Variants in PCLO observed in about 807,000 individuals in gnomAD.
PCLO encodes the protein protein piccolo.
In PCLO, 82 loss-of-function variants were observed where a neutral mutation model predicts 427.5. That is an observed-to-expected ratio of 0.19 (90% CI 0.16 to 0.23). The LOEUF (loss-of-function observed/expected upper bound fraction) is 0.23. Among genes scored for constraint, PCLO ranks in the 10% least tolerant of loss-of-function variants. The pLI is 1.00. For synonymous variants in PCLO, 2,357 were observed against 2,155.4 expected, an observed-to-expected ratio of 1.09 and a Z score of -2.59; for missense variants, 6,239 against 6,115.9, an observed-to-expected ratio of 1.02 and a Z score of -0.67.
intron 15 of PCLO, 142 bp from the exon 16 acceptor site, chr7:82,835,835 G>A (rs1792219614): frequency 4.5e-6 from 3 of 663,476 alleles, no homozygotes; most frequent in African/African-American, 1.8e-5. Flanking sequence ...AATGACATGA[G>A]GCAGAAAATG....
chr7:83,016,009 C>T (rs1254320144), intron 3 of PCLO, among the ~76,000 whole-genome samples: 1 of 151,948 alleles, frequency 6.6e-6, no homozygotes, highest in Non-Finnish European at 1.5e-5. Flanking sequence ...AAATTGGCAG[C>T]ACTCAAGCAC....
At position 82,915,690 on chromosome 7, in the gene PCLO, T is replaced by C. The variant is rs765182217; in HGVS notation, c.12296A>G (p.Gln4099Arg). 2 of 1,612,946 alleles carry C rather than the reference T, an allele frequency of 1.2e-6. No individual in the cohort carries two copies. The highest frequency in any genetic ancestry group is 1.7e-6 in the Non-Finnish European group (2 of 1,179,440). The change falls in exon 7 of 25, where the codon CAG becomes CGG. Residue 4099 changes from glutamine (Q) to arginine (R), a missense_variant. Transcript: ENST00000333891. ...QEVTDFLAPLQSSSRLHSYVK... is the reference protein window; with the variant it reads ...QEVTDFLAPLRSSSRLHSYVK... ...ATAACTATGCAATCTAGAGGAAGAC[T>C]GTAAAGGTGCTAGGAAATCTGTCAC...
chr7:82,963,213 T>C (rs28503526), intron 4 of PCLO, among the ~76,000 whole-genome samples: 7,500 of 152,144 alleles, frequency 0.049, 617 homozygotes, highest in African/African-American at 0.17. Context: ...CAAAATAATG[T>C]CACTTTGAAA....
chr7:82,835,270 G>C (rs1792204157), intron 16 of PCLO, among the ~76,000 whole-genome samples: 1 of 152,064 alleles, frequency 6.6e-6, no homozygotes, highest in Non-Finnish European at 1.5e-5. Context: ...TGGACATCCA[G>C]AAGACCCATT....
chr7:82,996,107 A>G (rs1473096993), intron 3 of PCLO, among the ~76,000 whole-genome samples: 2 of 151,830 alleles, frequency 1.3e-5, no homozygotes, highest in African/African-American at 4.8e-5. Flanking sequence ...ATTGTGTAAA[A>G]TATTTTAAGA....
chr7:83,006,413 T>C (rs41582), intron 3 of PCLO, among the ~76,000 whole-genome samples: 34,868 of 151,396 alleles, frequency 0.23, 5,146 homozygotes, highest in Middle Eastern at 0.4. Flanking sequence ...TGAACAATAA[T>C]TTATTTTTAT....
At chr7:83,014,909 T>G (rs1460012767) in intron 3 of PCLO, among the ~76,000 whole-genome samples, 1 of 152,160 alleles carries the variant, frequency 6.6e-6, no homozygotes, top group African/African-American at 2.4e-5. Flanking sequence ...TTTCTCACAA[T>G]AAAAGTAATT....
At position 83,105,027 on chromosome 7, in the gene PCLO, G is replaced by T. The variant is rs754274907; in HGVS notation, c.3300+29223C>A. On this transcript the variant is annotated intron_variant, in intron 3 of 24. Transcript: ENST00000333891. ...CTACTATAGCACAAATCTTATCAGTGGAAAACATTACTTTTACACATCAAT... is the reference window on the plus strand; with the variant it reads ...CTACTATAGCACAAATCTTATCAGTTGAAAACATTACTTTTACACATCAAT... Among the ~76,000 whole-genome samples the T allele has an allele frequency of 1.1e-4, 17 of 152,124 alleles. 1 individual carries two copies. The highest frequency in any genetic ancestry group is 5.2e-4 in the Admixed American group (8 of 15,272).
chr7:82,834,393 T>C (rs1792173693), intron 16 of PCLO, among the ~76,000 whole-genome samples: 1 of 152,208 alleles, frequency 6.6e-6, no homozygotes, highest in Non-Finnish European at 1.5e-5. Context: ...TTTGCCATAA[T>C]TATGTGGCTG....
In PCLO at chr7:82,760,716, C is replaced by T. The variant is rs202016591; in HGVS notation, c.15211G>A (p.Val5071Ile). 18 of 1,589,030 alleles carry T rather than the reference C, an allele frequency of 1.1e-5. No individual in the cohort carries two copies. The highest frequency in any genetic ancestry group is 2.2e-5 in the South Asian group (2 of 89,502). ...GAAGGCTCTCGATCATGTCTGCATA[C>T]TCTTGTTTTTTTCTTGATCACCTTT... Reference protein sequence around the residue: ...QKKVIKKKTRVCRHDREPSFN... With the variant: ...QKKVIKKKTRICRHDREPSFN... The change falls in exon 24 of 25, where the codon GTA becomes ATA. Residue 5071 changes from valine (V) to isoleucine (I), a missense_variant. Coordinates refer to ENST00000333891, the MANE Select transcript of PCLO (RefSeq NM_033026.6).
chr7:82,901,708 C>A (rs867432698), intron 9 of PCLO, among the ~76,000 whole-genome samples: 4 of 151,768 alleles, frequency 2.6e-5, no homozygotes, highest in African/African-American at 9.7e-5. Flanking sequence ...GAATCTACAA[C>A]GAACTCAAAC....
Position 82,916,316 on chromosome 7 carries a change from G to A in PCLO, c.11670C>T (p.Tyr3890=). ...PPTSPYTQYQ[Y]SSPALPTQAP... ...CTTGGGTAGGAAGAGCAGGGGAAGA[G>A]TACTGGTATTGTGTGTAAGGACTTG... The change falls in exon 7 of 25, where the codon TAC becomes TAT. Residue 3890 remains tyrosine (Y), a synonymous_variant. Coordinates refer to ENST00000333891, the MANE Select transcript of PCLO (RefSeq NM_033026.6). The A allele has an allele frequency of 2.5e-6, 4 of 1,613,686 alleles. No homozygotes were observed. In the East Asian group the frequency reaches 6.7e-5, roughly 27 times the overall value.
Position 82,938,557 on chromosome 7 carries a change from T to C in PCLO, c.11112+10919A>G, listed in dbSNP as rs114441707. Among the ~76,000 whole-genome samples the C allele has an allele frequency of 5.2e-3, 788 of 152,044 alleles. 7 individuals carry two copies. Among genetic ancestry groups the C allele is most frequent in the African/African-American group, 0.018 (752 of 41,542 alleles). On this transcript the variant is annotated intron_variant, in intron 6 of 24. Transcript: ENST00000333891. ...GGGGCAGCTTTTGCCTATATGCTCT[T>C]AGCTAGGTTGAAAAAAGGCCTGATG... is the stretch of plus-strand genomic sequence containing the variant.
chr7:82,843,150 C>A (rs1792409860), intron 13 of PCLO, among the ~76,000 whole-genome samples: 1 of 152,096 alleles, frequency 6.6e-6, no homozygotes, highest in African/African-American at 2.4e-5. Context: ...TAGTACCAAC[C>A]TAAGTGTCTA....
chr7:83,146,490 A>T (rs544749205), intron 2 of PCLO, among the ~76,000 whole-genome samples: 31 of 152,358 alleles, frequency 2.0e-4, no homozygotes, highest in Non-Finnish European at 1.5e-5. Flanking sequence ...GTTATAAATT[A>T]AAGATGTGAA....
intron 3 of PCLO, among the ~76,000 whole-genome samples, chr7:83,027,891 T>G (rs1788548237): frequency 7.8e-6 from 1 of 128,304 alleles, no homozygotes; most frequent in Non-Finnish European, 1.7e-5. Flanking sequence ...AAAAGGCCTT[T>G]GACAAAATTC....
chr7:83,093,057 C>T (rs890850724), intron 3 of PCLO, among the ~76,000 whole-genome samples: 5 of 151,540 alleles, frequency 3.3e-5, no homozygotes, highest in Non-Finnish European at 7.4e-5. Flanking sequence ...TATTGCTAGG[C>T]TCAGAAATTA....
In PCLO at chr7:82,953,770, T is replaced by G; in HGVS notation, c.7183A>C (p.Arg2395=). The G allele has an allele frequency of 6.4e-7, 1 of 1,567,228 alleles. No homozygotes were observed. The highest frequency in any genetic ancestry group is 1.2e-5 in the South Asian group (1 of 86,248). ...GCTGATATATCCAAAGAAGAACTTC[T>G]AAAGAATGGGCGAGGTTTAGCTGGA... is the stretch of plus-strand genomic sequence containing the variant. ...SLPAKPRPFF[R]SSSLDISAQP... Residue 2395 remains arginine (R), a synonymous_variant, in exon 5 of 25, where the codon AGA becomes CGA. Coordinates refer to ENST00000333891, the MANE Select transcript of PCLO (RefSeq NM_033026.6).
chr7:83,007,876 C>G (rs1787987510), intron 3 of PCLO, among the ~76,000 whole-genome samples: 1 of 151,592 alleles, frequency 6.6e-6, no homozygotes, highest in African/African-American at 2.4e-5. Flanking sequence ...GTGTACTTAA[C>G]AGTGTCTGAG....
Sources: gnomAD v4.1 joint callset for allele counts (sites outside exome capture counted in the v4.1 genomes callset) on GRCh38, gnomAD v4.1.1 for gene constraint, MANE v1.5 for transcripts, NCBI Gene and HGNC (gene_info 2026-07-23, HGNC 2026-07-21) for gene names.